Variants in LILRB1 observed in about 807,000 individuals in gnomAD.
LILRB1 encodes leukocyte immunoglobulin-like receptor subfamily B member 1.
In LILRB1, 59 loss-of-function variants were observed where a neutral mutation model predicts 74.6. That is an observed-to-expected ratio of 0.79 (90% CI 0.64 to 0.98). The LOEUF (loss-of-function observed/expected upper bound fraction) is 0.98, where lower values mean the gene tolerates loss of function less well. LILRB1 is among the 50% of genes least tolerant of loss of function. LILRB1 has a pLI of 0.00. For synonymous variants in LILRB1, 328 were observed against 333.9 expected (o/e 0.98, Z 0.19); for missense variants, 804 against 822.6 (o/e 0.98, Z 0.28).
At chr19:54,625,265 G>A (rs571263852) in intron 1 of LILRB1, among the ~76,000 whole-genome samples, 4 of 149,316 alleles carry the variant, frequency 2.7e-5, no homozygotes, top group South Asian at 4.4e-4. Flanking sequence ...GCCCCATTTC[G>A]CAGGAAGCAA....
intron 1 of LILRB1, among the ~76,000 whole-genome samples, chr19:54,621,018 G>A (rs1038863782): frequency 2.0e-5 from 3 of 151,980 alleles, no homozygotes; most frequent in African/African-American, 7.3e-5. Context: ...GATTACAGGT[G>A]CTCGCCACCA....
rs1424884804 is a variant in LILRB1 at position 54,632,535 on chromosome 19, C to T, written c.733C>T (p.Gln245Ter). 4 of 1,613,960 alleles carry T rather than the reference C, an allele frequency of 2.5e-6. No individual in the cohort carries two copies. Among genetic ancestry groups the T allele is most frequent in the African/African-American group, 2.7e-5 (2 of 74,902 alleles). ...IVAPEETLTL[Q>*]CGSDAGYNRF... is the part of the protein sequence containing the mutation. Reference sequence around the variant, plus strand: ...GGCCCCTGAGGAGACCCTGACTCTGCAGTGTGGCTCTGATGCTGGCTACAA... The same window carrying T: ...GGCCCCTGAGGAGACCCTGACTCTGTAGTGTGGCTCTGATGCTGGCTACAA... Residue 245 changes from glutamine to a stop codon, truncating the protein, a stop_gained, in exon 6 of 15, where the codon CAG (glutamine) becomes TAG (stop). Coordinates refer to ENST00000324602, the MANE Select transcript of LILRB1 (RefSeq NM_001081637.3). LOFTEE classifies it high-confidence loss of function.
intron 1 of LILRB1, among the ~76,000 whole-genome samples, chr19:54,624,252 G>A (rs907421342): frequency 8.3e-4 from 126 of 152,284 alleles, no homozygotes; most frequent in Non-Finnish European, 1.3e-3. Context: ...AGGTCTCTGC[G>A]GGGGGTGAAG....
intron 6 of LILRB1, 33 bp downstream of exon 6, chr19:54,632,793 A>T: frequency 6.2e-7 from 1 of 1,608,916 alleles, no homozygotes; most frequent in African/African-American, 1.3e-5. Context: ...TCAGGGACCC[A>T]GGCTCCGCAC....
At chr19:54,620,246 C>T (rs185514816) in intron 1 of LILRB1, among the ~76,000 whole-genome samples, 1 of 152,122 alleles carries the variant, frequency 6.6e-6, no homozygotes, top group South Asian at 2.1e-4. Context: ...ACTATTAAAA[C>T]CAGAGGGTAT....
Position 54,631,649 on chromosome 19 carries a change from C to T in LILRB1, c.220C>T (p.Pro74Ser), listed in dbSNP as rs1430305373. The change falls in exon 4 of 15, where the codon CCA becomes TCA. Residue 74 changes from proline (P) to serine (S), a missense_variant. By Grantham distance (74) the Pro-to-Ser change is moderately conservative (BLOSUM62 -1). Transcript: ENST00000324602. ...KKTAPWITRI[P>S]QELVKKGQFP... ...AACAGCACCCTGGATTACACGGATC[C>T]CACAGGAGCTTGTGAAGAAGGGCCA... The T allele has an allele frequency of 6.2e-7, 1 of 1,614,160 alleles. No homozygotes were observed. Among genetic ancestry groups the T allele is most frequent in the African/African-American group, 1.3e-5 (1 of 74,958 alleles).
chr19:54,636,694 C>G, intron 14 of LILRB1, 38 bp from the exon 15 acceptor site: 1 of 1,607,790 alleles, frequency 6.2e-7, no homozygotes, highest in Non-Finnish European at 8.5e-7. Context: ...TCCCCCACCC[C>G]CACCACGTTC....
At chr19:54,628,591 C>T (rs556270085), upstream of LILRB1, among the ~76,000 whole-genome samples, 1 of 152,244 alleles carries the variant, frequency 6.6e-6, no homozygotes, top group East Asian at 1.9e-4. Context: ...CTGCAGAGGA[C>T]ACAGATGAAG....
At position 54,632,154 on chromosome 19, in the gene LILRB1, G is replaced by A. The variant is rs1490812359; in HGVS notation, c.578G>A (p.Trp193Ter). The stretch of plus-strand genomic sequence containing the variant: ...GGCCCCGTGAGCCCGAGTCGCAGGT[G>A]GTGGTACAGGTGCTATGCTTATGAC... ...SVGPVSPSRRWWYRCYAYDSN... is the reference protein window; with the variant it reads ...SVGPVSPSRR The change falls in exon 5 of 15, where the codon TGG becomes TAG. Residue 193 changes from tryptophan to a stop codon, truncating the protein, a stop_gained. Transcript: ENST00000324602. LOFTEE classifies it high-confidence loss of function. 10 of 1,614,222 alleles carry A rather than the reference G, an allele frequency of 6.2e-6. No individual in the cohort carries two copies. The South Asian group carries it at 8.8e-5, about 14-fold the overall frequency.
Position 54,631,754 on chromosome 19 carries a change from G to A in LILRB1, c.325G>A (p.Glu109Lys), listed in dbSNP as rs995920823. ...TGGTAGCGACACTGCAGGCCGCTCA[G>A]AGAGCAGTGACCCCCTGGAGCTGGT... ...YYGSDTAGRS[E>K]SSDPLELVVT... Residue 109 changes from glutamate (E) to lysine (K), a missense_variant, in exon 4 of 15, where the codon GAG becomes AAG. Transcript: ENST00000324602. The A allele has an allele frequency of 6.2e-7, 1 of 1,614,140 alleles. No homozygotes were observed. The highest frequency in any genetic ancestry group is 1.7e-5 in the Admixed American group (1 of 60,010).
chr19:54,618,100 C>CAAAAAAAAAA (rs1202106742), intron 1 of LILRB1, among the ~76,000 whole-genome samples: 1 of 78,112 alleles, frequency 1.3e-5, no homozygotes, highest in Non-Finnish European at 2.4e-5. Flanking sequence ...GCCCCTGCCT[C>CAAAAAAAAAA]AAAAAAAAAA....
At chr19:54,616,886 T>C (rs1384994841), upstream of LILRB1, among the ~76,000 whole-genome samples, 1 of 152,072 alleles carries the variant, frequency 6.6e-6, no homozygotes, top group Non-Finnish European at 1.5e-5. Context: ...TGGGGGTGGA[T>C]GGACCCCATC....
At chr19:54,629,558 C>T (rs1264305543), upstream of LILRB1, among the ~76,000 whole-genome samples, 2 of 152,166 alleles carry the variant, frequency 1.3e-5, no homozygotes, top group Non-Finnish European at 2.9e-5. Context: ...TTTGGAATCC[C>T]AGCAGCTCTG....
intron 1 of LILRB1, among the ~76,000 whole-genome samples, chr19:54,623,427 G>C (rs1256521170): frequency 6.6e-6 from 1 of 152,078 alleles, no homozygotes; most frequent in Non-Finnish European, 1.5e-5. Flanking sequence ...ATTTCTCTAG[G>C]TTTTCTAGTT....
rs528819095 is a variant in LILRB1, at chr19:54,632,434, C to A, written c.662-30C>A. The A allele has an allele frequency of 1.8e-5, 29 of 1,574,468 alleles. No homozygotes were observed. In the South Asian group the frequency reaches 3.3e-4, roughly 18 times the overall value. On this transcript the variant is annotated intron_variant, in intron 5 of 14. Transcript: ENST00000324602. ...ATTTGTGGGGAAGCCTGAGGGTCGG[C>A]TCCTGGAAACCATGACCACCTTTTC...
intron 2 of LILRB1, 56 bp downstream of exon 2, chr19:54,631,163 C>A: frequency 6.2e-7 from 1 of 1,613,906 alleles, no homozygotes; most frequent in Admixed American, 1.7e-5. Flanking sequence ...CACCCCACAG[C>A]CAAACTCTTG....
In LILRB1 at chr19:54,636,613, GGACA is replaced by G. The variant is rs751157613; in HGVS notation, c.1779_1782del (p.Gln594ArgfsTer20). 6.2e-7 allele frequency: 1 copy of G among 1,609,956 alleles called. No homozygotes were observed. The highest frequency in any genetic ancestry group is 8.5e-7 in the Non-Finnish European group (1 of 1,178,264). On this transcript the variant is annotated frameshift_variant, in exon 14 of 15. Coordinates refer to ENST00000324602, the MANE Select transcript of LILRB1 (RefSeq NM_001081637.3). LOFTEE classifies it low-confidence loss of function (END_TRUNC). ...TGTCTGGGGAATTCCTGGACACAAA[GGACA>G]GACAGGCGGAAGAGGACAGGCAGAT...
At chr19:54,624,826 T>C (rs1354531298) in intron 1 of LILRB1, among the ~76,000 whole-genome samples, 3 of 151,900 alleles carry the variant, frequency 2.0e-5, no homozygotes, top group African/African-American at 7.3e-5. Context: ...GCTCAGGTGG[T>C]AGAGCCTGCG....
chr19:54,633,723 C>T lies in LILRB1; in HGVS notation c.1312+35C>T, dbSNP rs751528988. ...TGAGGCTTCTGAACTCAAGGGAGTGCGGCCTCCCCCAGGGCAGCCCTGGGT... is the reference window on the plus strand; with the variant it reads ...TGAGGCTTCTGAACTCAAGGGAGTGTGGCCTCCCCCAGGGCAGCCCTGGGT... On this transcript the variant is annotated intron_variant, in intron 8 of 14. Coordinates refer to ENST00000324602, the MANE Select transcript of LILRB1 (RefSeq NM_001081637.3). The T allele has an allele frequency of 6.8e-5, 108 of 1,597,792 alleles. 1 individual carries two copies. Among genetic ancestry groups the T allele is most frequent in the East Asian group, 2.2e-5 (1 of 44,514 alleles).
Sources: gnomAD v4.1 joint callset for allele counts (sites outside exome capture counted in the v4.1 genomes callset) on GRCh38, gnomAD v4.1.1 for gene constraint, MANE v1.5 for transcripts, NCBI Gene and HGNC (gene_info 2026-07-23, HGNC 2026-07-21) for gene names.